Variants in NCSTN observed in about 807,000 individuals in gnomAD.
NCSTN encodes the protein anterior pharynx-defective 2.
NCSTN carries 22 observed loss-of-function variants against 87.0 expected under a neutral mutation model. The observed-to-expected ratio is 0.25, with a 90% CI of 0.18 to 0.36. The LOEUF (loss-of-function observed/expected upper bound fraction) is 0.36. NCSTN is among the 10% of genes least tolerant of loss of function. The pLI is 1.00. For missense variants in NCSTN, 693 were observed against 883.3 expected (o/e 0.78, Z 2.73); for synonymous variants, 306 against 327.1 (o/e 0.94, Z 0.69).
chr1:160,353,083 C>G, intron 9 of NCSTN, 77 bp from the exon 10 acceptor site: 1 of 1,580,540 alleles, frequency 6.3e-7, no homozygotes, highest in Non-Finnish European at 8.7e-7. Flanking sequence ...ACCGCCTCTT[C>G]CCTTGACTTC....
intron 13 of NCSTN, 125 bp downstream of exon 13, chr1:160,356,083 GC>G: frequency 9.3e-7 from 1 of 1,071,982 alleles, no homozygotes; most frequent in Non-Finnish European, 1.4e-6. Context: ...AATGCCTCAT[GC>G]CCCAGAGAGC....
rs779680771 is a variant in NCSTN at position 160,353,233 on chromosome 1, A to G, written c.1175A>G (p.Asn392Ser). ...TCTCAGAAAAATGAGTCTGTACGGA[A>G]CCAGGTAACCTGAGCATCTCCCCTC... ...PVSQKNESVR[N>S]QVEDLLATLE... Residue 392 changes from asparagine (N) to serine (S), a missense_variant, in exon 10 of 17, where the codon AAC (asparagine) becomes AGC (serine). By Grantham distance (46) the Asn-to-Ser change is conservative (BLOSUM62 1). Transcript: ENST00000294785. The G allele has an allele frequency of 2.5e-6, 4 of 1,614,094 alleles. No individual in the cohort carries two copies. Among genetic ancestry groups the G allele is most frequent in the Non-Finnish European group, 3.4e-6 (4 of 1,180,000 alleles).
At position 160,354,269 on chromosome 1, in the gene NCSTN, A is replaced by T; in HGVS notation, c.1331A>T (p.His444Leu). The T allele has an allele frequency of 6.2e-7, 1 of 1,613,704 alleles. No homozygotes were observed. The highest frequency in any genetic ancestry group is 8.5e-7 in the Non-Finnish European group (1 of 1,179,936). The part of the protein sequence containing the change: ...RNISGVVLAD[H>L]SGAFHNKYYQ... ...ATCTCTGGCGTTGTTCTGGCTGACC[A>T]CTCTGGTGCCTTCCATAACAAGTAA... The change falls in exon 11 of 17, where the codon CAC becomes CTC. Residue 444 changes from histidine to leucine, a missense_variant. His to Leu is a moderately conservative substitution (Grantham distance 99). Around this residue, in one of 4 missense-constraint regions of NCSTN, gnomAD observed 108 missense variants for 111.6 expected, o/e 0.97. Transcript: ENST00000294785.
In NCSTN at chr1:160,354,114, C is replaced by T. The variant is rs781176603; in HGVS notation, c.1180-4C>T. 3 of 1,613,916 alleles carry T rather than the reference C, an allele frequency of 1.9e-6. No homozygotes were observed. Among genetic ancestry groups the T allele is most frequent in the African/African-American group, 2.7e-5 (2 of 74,888 alleles). On this transcript the variant is annotated splice_region_variant and splice_polypyrimidine_tract_variant and intron_variant, in intron 10 of 16. Transcript: ENST00000294785. ...CATCAGTTAATCTCCCTCGTACCCC[C>T]CAGGTGGAGGATCTCCTGGCCACAT...
Position 160,355,920 on chromosome 1 carries a change from A to G in NCSTN, c.1513A>G (p.Thr505Ala), listed in dbSNP as rs780067409. The G allele has an allele frequency of 2.5e-6, 4 of 1,614,174 alleles. No individual in the cohort carries two copies. Among genetic ancestry groups the G allele is most frequent in the Admixed American group, 3.3e-5 (2 of 60,026 alleles). ...TGCTCTGTATGAGCTTGCAGGAGGA[A>G]CCAACTTCAGCGACACAGTTCAGGC... is the stretch of plus-strand genomic sequence containing the variant. ...GRALYELAGG[T>A]NFSDTVQADP... Residue 505 changes from threonine to alanine, a missense_variant, in exon 13 of 17, where the codon ACC (threonine) becomes GCC (alanine). By Grantham distance (58) the Thr-to-Ala change is moderately conservative (BLOSUM62 0). Transcript: ENST00000294785.
At chr1:160,356,566 A>G in intron 14 of NCSTN, 34 bp from the exon 15 acceptor site, 2 of 1,613,376 alleles carry the variant, frequency 1.2e-6, no homozygotes, top group Non-Finnish European at 1.7e-6. Flanking sequence ...CCATCCACCC[A>G]CCAAATCTTC....
intron 4 of NCSTN, 80 bp from the exon 5 acceptor site, chr1:160,350,025 A>G (rs1648748757): frequency 1.3e-6 from 2 of 1,533,064 alleles, no homozygotes; most frequent in Non-Finnish European, 1.8e-6. Context: ...CCCAACTGAA[A>G]GATTCTTCTG....
Position 160,358,456 on chromosome 1 carries a change from C to T in NCSTN, c.*185C>T. The stretch of plus-strand genomic sequence containing the variant: ...TAAATAAATTGCCTCCCTTCCTCCG[C>T]TCCCCTTTCCCATCACCCCTTCCCC... On this transcript the variant is annotated 3_prime_UTR_variant, in exon 17 of 17. Transcript: ENST00000294785. The T allele has an allele frequency of 1.3e-6, 1 of 750,658 alleles. No individual in the cohort carries two copies. The highest frequency in any genetic ancestry group is 2.2e-6 in the Non-Finnish European group (1 of 446,490). 46.5% of individuals were successfully genotyped at this position (750,658 alleles called of 1,614,324 possible).
At position 160,343,461 on chromosome 1, in the gene NCSTN, C is replaced by T; in HGVS notation, c.65C>T (p.Ser22Phe). ...PGSRGLLRLL[S>F]FCVLLAGLCR... is the part of the protein sequence containing the mutation. ...AGTCGGGGTCTCCTTCGCCTTCTGT[C>T]TTTCTGCGTCCTACTAGCAGGTGAG... The change falls in exon 1 of 17, where the codon TCT becomes TTT. Residue 22 changes from serine (S) to phenylalanine (F), a missense_variant. Coordinates refer to ENST00000294785, the MANE Select transcript of NCSTN (RefSeq NM_015331.3). 6.2e-7 allele frequency: 1 copy of T among 1,610,792 alleles called. No individual in the cohort carries two copies. Among genetic ancestry groups the T allele is most frequent in the Non-Finnish European group, 8.5e-7 (1 of 1,178,982 alleles).
intron 15 of NCSTN, 28 bp downstream of exon 15, chr1:160,356,782 C>T: frequency 6.2e-7 from 1 of 1,613,670 alleles, no homozygotes; most frequent in Non-Finnish European, 8.5e-7. Context: ...TTGGAAGTGC[C>T]CTGGGGCCCC....
chr1:160,351,275 A>T lies in NCSTN; in HGVS notation c.636A>T (p.Leu212=), dbSNP rs12239747. The T allele has an allele frequency of 1.9e-6, 3 of 1,613,964 alleles. No individual in the cohort carries two copies. The East Asian group carries it at 6.7e-5, about 36-fold the overall frequency. Residue 212 remains leucine, a synonymous_variant, in exon 6 of 17, where the codon CTA becomes CTT. Transcript: ENST00000294785. The part of the protein sequence containing the change: ...SQNGSAPTFP[L]CAMQLFSHMH... ...ATGGCTCAGCACCAACCTTCCCACTATGTGCCATGCAGCTCTTTTCACACA... is the reference window on the plus strand; with the variant it reads ...ATGGCTCAGCACCAACCTTCCCACTTTGTGCCATGCAGCTCTTTTCACACA...
intron 9 of NCSTN, 83 bp from the exon 10 acceptor site, chr1:160,353,077 C>T (rs1033640155): frequency 8.2e-6 from 13 of 1,579,020 alleles, no homozygotes; most frequent in African/African-American, 1.3e-5. Context: ...GGAACCACCG[C>T]CTCTTCCCTT....
chr1:160,343,385 CAGAGAGGCA>C lies in NCSTN; in HGVS notation c.-8_1del. 1 of 1,612,802 alleles carries C rather than the reference CAGAGAGGCA, an allele frequency of 6.2e-7. No individual in the cohort carries two copies. Among genetic ancestry groups the C allele is most frequent in the Non-Finnish European group, 8.5e-7 (1 of 1,179,470 alleles). The stretch of plus-strand genomic sequence containing the variant: ...GAGCCGAACGGGGGCTTCCGCTCAG[CAGAGAGGCA>C]AGATGGCTACGGCAGGGGGTGGCTC... On this transcript the variant is annotated 5_prime_UTR_variant, in exon 1 of 17. Transcript: ENST00000294785.
intron 11 of NCSTN, 118 bp downstream of exon 11, chr1:160,354,408 A>G: frequency 8.9e-7 from 1 of 1,122,234 alleles, no homozygotes; most frequent in Non-Finnish European, 1.3e-6. Context: ...CTTCAGGTCC[A>G]TCTGTATTCT....
At chr1:160,348,471 C>T (rs1288011435) in intron 2 of NCSTN, among the ~76,000 whole-genome samples, 2 of 152,198 alleles carry the variant, frequency 1.3e-5, no homozygotes, top group African/African-American at 4.8e-5. Context: ...AATTGGGAAG[C>T]TCTGTTTTAG....
At chr1:160,349,713 G>T in intron 4 of NCSTN, 43 bp downstream of exon 4, 5 of 1,610,184 alleles carry the variant, frequency 3.1e-6, no homozygotes, top group Non-Finnish European at 4.2e-6. Context: ...GTCACCTAAG[G>T]CTCACTGTTG....
At position 160,350,135 on chromosome 1, in the gene NCSTN, T is replaced by G. The variant is rs181900155; in HGVS notation, c.467T>G (p.Phe156Cys). The change falls in exon 5 of 17, where the codon TTT becomes TGT. Residue 156 changes from phenylalanine to cysteine, a missense_variant. Transcript: ENST00000294785. ...GVYSNSYGPE[F>C]AHCREIQWNS... ...TACTCCAATTCCTATGGGCCAGAGT[T>G]TGCTCACTGCAGAGAAATACAGTGG... 8.1e-6 allele frequency: 13 copies of G among 1,614,110 alleles called. 1 individual carries two copies. In the Admixed American group the frequency reaches 1.7e-4, roughly 21 times the overall value.
rs1376698839 is a variant in NCSTN at position 160,356,246 on chromosome 1, T to C, written c.1552-14T>C. 3.1e-6 allele frequency: 5 copies of C among 1,591,006 alleles called. No homozygotes were observed. Among genetic ancestry groups the C allele is most frequent in the Non-Finnish European group, 4.3e-6 (5 of 1,158,882 alleles). Reference sequence around the variant, plus strand: ...AAGTCACAGGGTTTTCTCTCTTTACTGTTCCAATCCTAGGTTACCCGCCTG... The same window carrying C: ...AAGTCACAGGGTTTTCTCTCTTTACCGTTCCAATCCTAGGTTACCCGCCTG... On this transcript the variant is annotated splice_polypyrimidine_tract_variant and intron_variant, in intron 13 of 16. Transcript: ENST00000294785.
At position 160,353,070 on chromosome 1, in the gene NCSTN, A is replaced by G; in HGVS notation, c.1101+79A>G. 4 of 1,572,928 alleles carry G rather than the reference A, an allele frequency of 2.5e-6. No individual in the cohort carries two copies. The South Asian group carries it at 4.4e-5, about 17-fold the overall frequency. On this transcript the variant is annotated intron_variant, in intron 9 of 16. Transcript: ENST00000294785. ...TTGTTCTGCGGTCTTAACTGCAGGA[A>G]CCACCGCCTCTTCCCTTGACTTCTA...
Sources: gnomAD v4.1 joint callset for allele counts (sites outside exome capture counted in the v4.1 genomes callset) on GRCh38, gnomAD v4.1.1 for gene constraint, gnomAD v4.1.1 regional missense constraint, MANE v1.5 for transcripts, NCBI Gene and HGNC (gene_info 2026-07-23, HGNC 2026-07-21) for gene names.